Variants in PCDHGA2 observed in about 807,000 individuals in gnomAD.
The protein encoded by PCDHGA2 is protocadherin gamma-A2.
Under a neutral mutation model 59.2 loss-of-function variants are expected in PCDHGA2, and 40 were observed. The ratio of observed to expected loss-of-function variants is 0.68; its 90% confidence interval spans 0.52 to 0.88. The LOEUF (loss-of-function observed/expected upper bound fraction) is 0.88. PCDHGA2 is among the 40% of genes least tolerant of loss of function. The pLI, the probability that PCDHGA2 is intolerant of heterozygous loss-of-function variation, is 0.00. For synonymous variants in PCDHGA2, 560 were observed against 526.0 expected (o/e 1.06, Z -0.89); for missense variants, 1,226 against 1,204.0 (o/e 1.02, Z -0.27).
Position 141,339,315 on chromosome 5 carries a change from CTATT to C in PCDHGA2, c.349_352del (p.Tyr117GlnfsTer2), listed in dbSNP as rs531366622. 6.8e-6 allele frequency: 11 copies of C among 1,614,236 alleles called. No individual in the cohort carries two copies. In the Admixed American group the frequency reaches 1.0e-4, roughly 15 times the overall value. On this transcript the variant is annotated frameshift_variant, in exon 1 of 4. Transcript: ENST00000394576. LOFTEE classifies it high-confidence loss of function. ...AACATTCTGCTGGAGGATAAATTGACTATTTATTCAGTAGAGGTGGAAATAACAG... is the reference window on the plus strand; with the variant it reads ...AACATTCTGCTGGAGGATAAATTGACTATTCAGTAGAGGTGGAAATAACAG...
chr5:141,435,454 T>C (rs1407615505), intron 1 of PCDHGA2, among the ~76,000 whole-genome samples: 1 of 152,220 alleles, frequency 6.6e-6, no homozygotes, highest in Non-Finnish European at 1.5e-5. Flanking sequence ...ACGATATCTG[T>C]ATGTGTTTCC....
At position 141,490,782 on chromosome 5, in the gene PCDHGA2, ACGGATCTTTGCC is replaced by A; in HGVS notation, c.2425-4023_2425-4012del. 6.2e-7 allele frequency: 1 copy of A among 1,614,054 alleles called. No individual in the cohort carries two copies. Among genetic ancestry groups the A allele is most frequent in the Non-Finnish European group, 8.5e-7 (1 of 1,179,952 alleles). ...TTGTGTATGTCAACCCAGAGGATGGACGGATCTTTGCCCAGCGTACCTTTGACTATGAATTGC... is the reference window on the plus strand; with the variant it reads ...TTGTGTATGTCAACCCAGAGGATGGACAGCGTACCTTTGACTATGAATTGC... On this transcript the variant is annotated intron_variant, in intron 1 of 3. Transcript: ENST00000394576. This position sits in a 1 kb window ranked among gnomAD's most constrained non-coding sequence, Gnocchi z 5.4.
chr5:141,412,940 T>C, intron 1 of PCDHGA2: 1 of 463,218 alleles, frequency 2.2e-6, no homozygotes, highest in Non-Finnish European at 3.8e-6. Flanking sequence ...CTTAGGACTC[T>C]GAGCGCCGCT....
intron 1 of PCDHGA2, among the ~76,000 whole-genome samples, chr5:141,461,733 C>G (rs930217307): frequency 2.0e-5 from 3 of 152,168 alleles, no homozygotes; most frequent in African/African-American, 2.4e-5. Context: ...TGCAGTGGCA[C>G]AATCCCGGCT....
At chr5:141,370,775 C>A in intron 1 of PCDHGA2, 5 of 1,613,966 alleles carry the variant, frequency 3.1e-6, no homozygotes, top group Non-Finnish European at 4.2e-6. Context: ...AGGATATTAA[C>A]GACAACCCAC....
At chr5:141,393,494 C>T (rs750216965) in intron 1 of PCDHGA2, 16 of 1,613,946 alleles carry the variant, frequency 9.9e-6, no homozygotes, top group Non-Finnish European at 1.3e-5. Flanking sequence ...GCACAGTGCG[C>T]ATCCACGTGA....
intron 1 of PCDHGA2, chr5:141,365,890 C>G (rs780121604): frequency 6.2e-7 from 1 of 1,614,022 alleles, no homozygotes; most frequent in East Asian, 2.2e-5. Flanking sequence ...TGAGATCCTT[C>G]GACTATGAGC....
At chr5:141,481,013 A>G (rs1198627648) in intron 1 of PCDHGA2, among the ~76,000 whole-genome samples, 1 of 152,164 alleles carries the variant, frequency 6.6e-6, no homozygotes, top group Admixed American at 6.5e-5. Context: ...AGCCCAGATC[A>G]CACCACTGCA....
chr5:141,446,778 T>C (rs2098515519), intron 1 of PCDHGA2, among the ~76,000 whole-genome samples: 1 of 152,116 alleles, frequency 6.6e-6, no homozygotes, highest in South Asian at 2.1e-4. Flanking sequence ...GTTACCATTC[T>C]TTTACTCTGA....
intron 1 of PCDHGA2, chr5:141,419,357 AC>A (rs1185938270): frequency 3.7e-6 from 6 of 1,613,814 alleles, no homozygotes; most frequent in Non-Finnish European, 4.2e-6. Context: ...GGAGTCACGA[AC>A]GCTGTCGTCC....
intron 1 of PCDHGA2, among the ~76,000 whole-genome samples, chr5:141,479,050 C>T (rs1484021560): frequency 6.6e-6 from 1 of 152,164 alleles, no homozygotes; most frequent in African/African-American, 2.4e-5. Context: ...ACCTCATTCT[C>T]AGATAATTTT....
chr5:141,400,776 G>A (rs1461818790), intron 1 of PCDHGA2: 9 of 557,602 alleles, frequency 1.6e-5, no homozygotes, highest in Middle Eastern at 4.6e-4. Context: ...CATTTGGTGC[G>A]TTTTTTTGTC....
chr5:141,358,387 G>T (rs1447702123), intron 1 of PCDHGA2, among the ~76,000 whole-genome samples: 1 of 152,144 alleles, frequency 6.6e-6, no homozygotes, highest in East Asian at 1.9e-4. Flanking sequence ...ACCATGCTTT[G>T]CTTGAAGTTT....
intron 1 of PCDHGA2, chr5:141,372,650 C>T (rs1768944912): frequency 6.2e-7 from 1 of 1,614,008 alleles, no homozygotes; most frequent in African/African-American, 1.3e-5. Context: ...CTTATTCCTA[C>T]AATCCGTGTG....
Position 141,415,348 on chromosome 5 carries a change from A to G in PCDHGA2, c.2424+73953A>G, listed in dbSNP as rs561851810. ...GGCGCACAGGCTGCGGCGCTGGCAC[A>G]AGTCACGCCTGCTGCAGGCTTCAGG... On this transcript the variant is annotated intron_variant, in intron 1 of 3. Transcript: ENST00000394576. The G allele has an allele frequency of 3.1e-6, 5 of 1,614,222 alleles. 1 individual carries two copies. The highest frequency in any genetic ancestry group is 1.6e-4 in the Middle Eastern group (1 of 6,062).
chr5:141,421,597 AT>A (rs2096587022), intron 1 of PCDHGA2: 1 of 1,613,878 alleles, frequency 6.2e-7, no homozygotes, highest in Non-Finnish European at 8.5e-7. Flanking sequence ...GGAGGTGGAA[AT>A]AATAGATATT....
rs750129951 is a variant in PCDHGA2 at position 141,375,757 on chromosome 5, T to C, written c.2424+34362T>C. The C allele has an allele frequency of 6.1e-5, 99 of 1,614,196 alleles. 1 individual carries two copies. The South Asian group carries it at 8.5e-4, about 14-fold the overall frequency. On this transcript the variant is annotated intron_variant, in intron 1 of 3. Coordinates refer to ENST00000394576, the MANE Select transcript of PCDHGA2 (RefSeq NM_018915.4). Reference sequence around the variant, plus strand: ...TGTTTGTGCTGGACCAGAATGACAATGCGCCCGAGATCCTGTACCCCGCCC... The same window carrying C: ...TGTTTGTGCTGGACCAGAATGACAACGCGCCCGAGATCCTGTACCCCGCCC...
At chr5:141,445,838 A>T (rs1302150397) in intron 1 of PCDHGA2, among the ~76,000 whole-genome samples, 1 of 152,218 alleles carries the variant, frequency 6.6e-6, no homozygotes, top group South Asian at 2.1e-4. Flanking sequence ...GAGCCTTGTA[A>T]ATCACACTTA....
chr5:141,397,375 T>C (rs2093516481), intron 1 of PCDHGA2, among the ~76,000 whole-genome samples: 1 of 152,174 alleles, frequency 6.6e-6, no homozygotes, highest in South Asian at 2.1e-4. Context: ...TGTTTGGGGA[T>C]TGGTATAAAA....
Sources: gnomAD v4.1 joint callset for allele counts (sites outside exome capture counted in the v4.1 genomes callset) on GRCh38, gnomAD v4.1.1 for gene constraint, Gnocchi (gnomAD v3.1) non-coding constraint, MANE v1.5 for transcripts, NCBI Gene and HGNC (gene_info 2026-07-23, HGNC 2026-07-21) for gene names.